Variants in PLPPR1 observed in about 807,000 individuals in gnomAD.
The protein encoded by PLPPR1 is phospholipid phosphatase-related protein type 1.
PLPPR1 carries 10 observed loss-of-function variants against 33.1 expected under a neutral mutation model. The ratio of observed to expected loss-of-function variants is 0.30; its 90% CI spans 0.19 to 0.51. PLPPR1 has a LOEUF of 0.51. Among genes scored for constraint, PLPPR1 ranks in the 20% least tolerant of loss-of-function variants. PLPPR1 has a pLI of 0.97. For synonymous variants in PLPPR1, 151 were observed against 151.0 expected, an observed-to-expected ratio of 1.00 and a Z score of 0.00; for missense variants, 304 against 408.1, an observed-to-expected ratio of 0.74 and a Z score of 2.20.
chr9:101,047,924 C>T (rs1830173290), intron 1 of PLPPR1, among the ~76,000 whole-genome samples: 1 of 152,154 alleles, frequency 6.6e-6, no homozygotes, highest in South Asian at 2.1e-4. Flanking sequence ...TTGCTAAGAA[C>T]TTTAGAAACT....
At chr9:101,041,412 AT>A (rs1466829284) in intron 1 of PLPPR1, among the ~76,000 whole-genome samples, 1 of 152,226 alleles carries the variant, frequency 6.6e-6, no homozygotes, top group Non-Finnish European at 1.5e-5. Flanking sequence ...TGCGACACAG[AT>A]TAAGGAATCA....
chr9:101,145,805 A>G (rs960627920), intron 1 of PLPPR1, among the ~76,000 whole-genome samples: 38 of 149,158 alleles, frequency 2.5e-4, no homozygotes, highest in African/African-American at 9.1e-4. Context: ...GGATGGCTTG[A>G]GACCAGCCTG....
intron 4 of PLPPR1, among the ~76,000 whole-genome samples, chr9:101,291,945 G>T (rs1160175597): frequency 6.6e-6 from 1 of 152,216 alleles, no homozygotes; most frequent in Non-Finnish European, 1.5e-5. Flanking sequence ...GATGGAGAAT[G>T]ACTTTGACGA....
chr9:101,130,274 C>G (rs1831298757), intron 1 of PLPPR1, among the ~76,000 whole-genome samples: 2 of 152,152 alleles, frequency 1.3e-5, no homozygotes, highest in Admixed American at 1.3e-4. Context: ...TGGTGAGAAG[C>G]TCCTGCTTTG....
At chr9:101,178,823 G>C (rs1826056642) in intron 1 of PLPPR1, among the ~76,000 whole-genome samples, 1 of 152,148 alleles carries the variant, frequency 6.6e-6, no homozygotes, top group Admixed American at 6.6e-5. Context: ...AGGAATCAAG[G>C]AATGGAAGTG....
chr9:101,133,803 G>A (rs190320726), intron 1 of PLPPR1, among the ~76,000 whole-genome samples: 10 of 152,234 alleles, frequency 6.6e-5, no homozygotes, highest in Admixed American at 2.0e-4. Flanking sequence ...AGGCACTTAA[G>A]CCATATAGCA....
chr9:101,279,980 T>C (rs1564025329), intron 3 of PLPPR1, among the ~76,000 whole-genome samples: 1 of 152,022 alleles, frequency 6.6e-6, no homozygotes. Flanking sequence ...ATGAAATTTA[T>C]AAAACAATAC....
chr9:101,299,136 A>G lies in PLPPR1; in HGVS notation c.386-10075A>G, dbSNP rs182578835. Among the ~76,000 whole-genome samples the G allele has an allele frequency of 3.9e-5, 6 of 152,376 alleles. No homozygotes were observed. In the East Asian group the frequency reaches 7.7e-4, roughly 20 times the overall value. On this transcript the variant is annotated intron_variant, in intron 4 of 7. Coordinates refer to ENST00000374874, the MANE Select transcript of PLPPR1 (RefSeq NM_207299.2). ...CAAGAGCAAGGCAGGACATGGGCCT[A>G]TAAGCAGATGGAGATAATTTCTAGA...
chr9:101,073,550 T>A (rs1830504733), intron 1 of PLPPR1, among the ~76,000 whole-genome samples: 1 of 152,100 alleles, frequency 6.6e-6, no homozygotes, highest in African/African-American at 2.4e-5. Context: ...TTGAATAAGT[T>A]CCCTTGGTGG....
intron 2 of PLPPR1, among the ~76,000 whole-genome samples, chr9:101,211,845 A>T (rs962357642): frequency 6.6e-6 from 1 of 152,222 alleles, no homozygotes; most frequent in African/African-American, 2.4e-5. Context: ...CGAGCTAAGT[A>T]TTTTACATAA....
At chr9:101,075,613 T>C (rs975267351) in intron 1 of PLPPR1, among the ~76,000 whole-genome samples, 2 of 152,210 alleles carry the variant, frequency 1.3e-5, no homozygotes, top group Non-Finnish European at 2.9e-5. Flanking sequence ...TGCTATCTGG[T>C]TTCCTCCACA....
rs146608179 is a variant in PLPPR1, at chr9:101,127,907, G to A, written c.-45-57543G>A. Among the ~76,000 whole-genome samples the A allele has an allele frequency of 3.4e-3, 518 of 152,206 alleles. 3 individuals are homozygous for A. The highest frequency in any genetic ancestry group is 0.012 in the African/African-American group (482 of 41,528). On this transcript the variant is annotated intron_variant, in intron 1 of 7. Coordinates refer to ENST00000374874, the MANE Select transcript of PLPPR1 (RefSeq NM_207299.2). ...AGAATGAAACAGATAGATAGTTAGA[G>A]GATCATTTCAAGAGGATGAGGGATG...
chr9:101,204,544 G>C (rs1826553934), intron 2 of PLPPR1, among the ~76,000 whole-genome samples: 1 of 152,136 alleles, frequency 6.6e-6, no homozygotes, highest in African/African-American at 2.4e-5. Flanking sequence ...TGCAGCTGCT[G>C]TTTCCGTATA....
At chr9:101,121,187 G>A (rs1016801353) in intron 1 of PLPPR1, among the ~76,000 whole-genome samples, 1 of 152,162 alleles carries the variant, frequency 6.6e-6, no homozygotes, top group African/African-American at 2.4e-5. Context: ...GCAGAATAGT[G>A]CAATGCATTT....
At chr9:101,301,796 G>T (rs965990135) in intron 4 of PLPPR1, among the ~76,000 whole-genome samples, 4 of 152,180 alleles carry the variant, frequency 2.6e-5, no homozygotes, top group Non-Finnish European at 5.9e-5. Flanking sequence ...TTATTCAAAT[G>T]ATGACATATC....
chr9:101,148,201 C>G (rs1443363830), intron 1 of PLPPR1, among the ~76,000 whole-genome samples: 1 of 152,104 alleles, frequency 6.6e-6, no homozygotes, highest in African/African-American at 2.4e-5. Context: ...CAGTAAATGC[C>G]CTTGTGACCA....
chr9:101,181,889 C>A (rs1452201154), intron 1 of PLPPR1, among the ~76,000 whole-genome samples: 1 of 148,902 alleles, frequency 6.7e-6, no homozygotes, highest in East Asian at 2.0e-4. Flanking sequence ...TATATACACA[C>A]ATACTTATAT....
chr9:101,158,716 C>T (rs1460303810), intron 1 of PLPPR1, among the ~76,000 whole-genome samples: 4 of 152,166 alleles, frequency 2.6e-5, no homozygotes, highest in Non-Finnish European at 4.4e-5. Flanking sequence ...GGGTTGCTTC[C>T]TGGAGTTTTA....
intron 2 of PLPPR1, among the ~76,000 whole-genome samples, chr9:101,254,614 C>T (rs1410570247): frequency 6.6e-6 from 1 of 152,088 alleles, no homozygotes; most frequent in Non-Finnish European, 1.5e-5. Context: ...AACTTAAACT[C>T]TCCAATCCAA....
Sources: gnomAD v4.1 joint callset for allele counts (sites outside exome capture counted in the v4.1 genomes callset) on GRCh38, gnomAD v4.1.1 for gene constraint, MANE v1.5 for transcripts, NCBI Gene and HGNC (gene_info 2026-07-23, HGNC 2026-07-21) for gene names.